Variants in RHPN1 observed in about 807,000 individuals in gnomAD.
RHPN1 encodes rhophilin-1.
Under a neutral mutation model 74.7 loss-of-function variants are expected in RHPN1, and 77 were observed. The observed-to-expected ratio is 1.03, with a 90% CI of 0.86 to 1.25. The LOEUF (loss-of-function observed/expected upper bound fraction) is 1.25. Ranked by LOEUF, RHPN1 falls within the 50% of genes most tolerant of loss-of-function variation. The probability of loss-of-function intolerance (pLI) is 0.00; values close to 1 mark genes in which losing one functional copy is unlikely to be tolerated. For missense variants in RHPN1, 987 were observed against 932.2 expected (o/e 1.06, Z -0.77); for synonymous variants, 444 against 414.5 (o/e 1.07, Z -0.87).
At chr8:143,378,227 G>C in intron 4 of RHPN1, 42 bp from the exon 5 acceptor site, 1 of 1,509,112 alleles carries the variant, frequency 6.6e-7, no homozygotes, top group Non-Finnish European at 9.0e-7. Context: ...AAGGAGGCCA[G>C]GCACAGGGGT....
rs182667317 is a variant in RHPN1 at position 143,377,672 on chromosome 8, C to T, written c.381+217C>T. On this transcript the variant is annotated intron_variant, in intron 4 of 14. Coordinates refer to ENST00000289013, the MANE Select transcript of RHPN1 (RefSeq NM_052924.3). ...CCCCGCTGGTGCCTGCGCCCCAGGC[C>T]GGGGCTGATCCCATAGAGTGGGTGT... Among the ~76,000 whole-genome samples, 13 of 152,260 alleles carry T rather than the reference C, an allele frequency of 8.5e-5. No individual in the cohort carries two copies. In the East Asian group the frequency reaches 2.5e-3, roughly 29 times the overall value.
In RHPN1 at chr8:143,383,156, A is replaced by C; in HGVS notation, c.*505A>C. ...GTCCCAGACATGGCCTTCCCCCAAA[A>C]TACTTCCTGCTGTCCTGTCTGTGCA... On this transcript the variant is annotated 3_prime_UTR_variant, in exon 15 of 15. Coordinates refer to ENST00000289013, the MANE Select transcript of RHPN1 (RefSeq NM_052924.3). 5.5e-6 allele frequency: 1 copy of C among 181,358 alleles called. No individual in the cohort carries two copies. Among genetic ancestry groups the C allele is most frequent in the East Asian group, 1.7e-4 (1 of 6,056 alleles). The allele number at this position is 181,358 out of a possible 1,614,324, so 11.2% of individuals were successfully genotyped here.
chr8:143,371,613 G>C (rs1387505853), intron 1 of RHPN1, among the ~76,000 whole-genome samples: 1 of 152,202 alleles, frequency 6.6e-6, no homozygotes, highest in Non-Finnish European at 1.5e-5. Flanking sequence ...TTCCTCCTGG[G>C]CAGAGGAGCC....
intron 1 of RHPN1, among the ~76,000 whole-genome samples, chr8:143,369,831 GGACGTCA>G (rs1817708006): frequency 6.6e-6 from 1 of 152,362 alleles, no homozygotes; most frequent in Non-Finnish European, 1.5e-5. Context: ...CTCCCCTCTG[GGACGTCA>G]GACTGTGTTG....
chr8:143,380,106 CAG>C lies in RHPN1; in HGVS notation c.1148_1149del (p.Gln383ProfsTer6). Reference protein sequence around the residue: ...ELPTHEQVFLQPPTSSKPRGP... With the variant: ...ELPTHEQVFLXPPTSSKPRGP... ...CCCCACGCACGAGCAGGTCTTCCTG[CAG>C]CCCCCCACCTCCTCTAAGCCCCGAG... is the stretch of plus-strand genomic sequence containing the variant. On this transcript the variant is annotated frameshift_variant, in exon 10 of 15. Transcript: ENST00000289013. LOFTEE classifies it high-confidence loss of function. 6.4e-7 allele frequency: 1 copy of C among 1,552,486 alleles called. No homozygotes were observed. The highest frequency in any genetic ancestry group is 1.4e-5 in the African/African-American group (1 of 73,372).
In RHPN1 at chr8:143,376,707, GTGTGTGTGCA is replaced by G. The variant is rs1252342418; in HGVS notation, c.305+65_305+74del. ...CGTGTATGTGTGTGCACGTGTGCGT[GTGTGTGTGCA>G]TGTGTGTGCACGCATGTGTGTCTCT... On this transcript the variant is annotated intron_variant, in intron 3 of 14. Coordinates refer to ENST00000289013, the MANE Select transcript of RHPN1 (RefSeq NM_052924.3). 34 of 1,529,374 alleles carry G rather than the reference GTGTGTGTGCA, an allele frequency of 2.2e-5. No homozygotes were observed. In the East Asian group the frequency reaches 7.7e-4, roughly 34 times the overall value. The allele number at this position is 1,529,374 out of a possible 1,614,324, so 94.7% of individuals were successfully genotyped here.
chr8:143,369,974 A>T (rs13268561), intron 1 of RHPN1, among the ~76,000 whole-genome samples: 17,975 of 152,146 alleles, frequency 0.12, 1,550 homozygotes, highest in East Asian at 0.3. Flanking sequence ...GCCCTCAAGG[A>T]CGCCCTTCTT....
At chr8:143,380,265 C>T in intron 10 of RHPN1, 90 bp downstream of exon 10, 1 of 916,474 alleles carries the variant, frequency 1.1e-6, no homozygotes, top group Non-Finnish European at 1.6e-6. Flanking sequence ...TGTTTGCCAC[C>T]TGCTGTCCCC....
intron 3 of RHPN1, among the ~76,000 whole-genome samples, chr8:143,376,921 T>C (rs1818290521): frequency 6.8e-6 from 1 of 147,818 alleles, no homozygotes; most frequent in South Asian, 2.1e-4. Context: ...TCTGTGTGTC[T>C]GCATGTGTCT....
Position 143,379,472 on chromosome 8 carries a change from C to T in RHPN1, c.909C>T (p.Cys303=), listed in dbSNP as rs376639002. 3.2e-6 allele frequency: 5 copies of T among 1,567,000 alleles called. No homozygotes were observed. The highest frequency in any genetic ancestry group is 3.5e-6 in the Non-Finnish European group (4 of 1,156,406). The change falls in exon 8 of 15, where the codon TGC becomes TGT. Residue 303 remains cysteine (C), a synonymous_variant. Coordinates refer to ENST00000289013, the MANE Select transcript of RHPN1 (RefSeq NM_052924.3). ...SPPASMAPQD[C]LAQLRLAQEA... ...CTGCCTCCATGGCCCCCCAAGACTG[C>T]CTGGCCCAGCTGCGCCTGGCGCAGG...
intron 3 of RHPN1, among the ~76,000 whole-genome samples, chr8:143,377,026 G>A (rs28436037): frequency 1.5e-3 from 217 of 148,160 alleles, no homozygotes; most frequent in African/African-American, 5.0e-3. Context: ...CTATGTGTGC[G>A]TGTATGCACG....
chr8:143,379,389 C>T lies in RHPN1; in HGVS notation c.826C>T (p.Leu276=), dbSNP rs919050052. Residue 276 remains leucine, a synonymous_variant, in exon 8 of 15, where the codon CTG becomes TTG. Transcript: ENST00000289013. ...CATGAGCGCTGCGTCCCTCTGCGCA[C>T]TGGAGCAGCTCATGATGGCCCAGGC... ...PDMSAASLCA[L]EQLMMAQAQE... The T allele has an allele frequency of 2.5e-6, 4 of 1,597,518 alleles. No individual in the cohort carries two copies. Among genetic ancestry groups the T allele is most frequent in the African/African-American group, 2.7e-5 (2 of 74,486 alleles).
In RHPN1 at chr8:143,383,554, G is replaced by A. The variant is rs78142776; in HGVS notation, c.*903G>A. 2.0e-5 allele frequency: 3 copies of A among 152,556 alleles called. No individual in the cohort carries two copies. The highest frequency in any genetic ancestry group is 3.9e-4 in the East Asian group (2 of 5,192). The allele number at this position is 152,556 out of a possible 1,614,324, so 9.5% of individuals were successfully genotyped here. A position where few individuals can be genotyped will look rare whatever the true frequency, so the allele number is the denominator to read the frequency against. On this transcript the variant is annotated 3_prime_UTR_variant, in exon 15 of 15. Transcript: ENST00000289013. ...TGGACAATGGCCCCCAAAGGCCGTC[G>A]GCAAGAACACCACCTCCAGGACCCC...
chr8:143,381,881 G>A lies in RHPN1; in HGVS notation c.1710G>A (p.Glu570=). Residue 570 remains glutamate (E), a synonymous_variant, in exon 14 of 15, where the codon GAG becomes GAA. Transcript: ENST00000289013. ...GQPCRWWRHA[E]VVTELKAAGE... ...CATGCAGGTGGTGGAGACACGCGGA[G>A]GTGGTGACGGAGCTGAAGGCTGCGG... The A allele has an allele frequency of 1.9e-6, 3 of 1,613,026 alleles. No homozygotes were observed. In the South Asian group the frequency reaches 3.3e-5, roughly 18 times the overall value.
chr8:143,379,646 G>C, intron 8 of RHPN1, 138 bp downstream of exon 8: 1 of 1,444,594 alleles, frequency 6.9e-7, no homozygotes, highest in Non-Finnish European at 9.1e-7. Flanking sequence ...GCTCCCTGGG[G>C]GGGCTGGTCA....
In RHPN1 at chr8:143,378,945, G is replaced by T. The variant is rs775175369; in HGVS notation, c.618G>T (p.Gln206His). 1.3e-6 allele frequency: 2 copies of T among 1,578,850 alleles called. No homozygotes were observed. The highest frequency in any genetic ancestry group is 1.7e-6 in the Non-Finnish European group (2 of 1,163,292). The change falls in exon 7 of 15, where the codon CAG (glutamine) becomes CAT (histidine). Residue 206 changes from glutamine to histidine, a missense_variant. Coordinates refer to ENST00000289013, the MANE Select transcript of RHPN1 (RefSeq NM_052924.3). Reference protein sequence around the residue: ...YDSLTGVPAQQRALAFEKGSV... With the variant: ...YDSLTGVPAQHRALAFEKGSV... ...CGCTTACTGGGGTCCCGGCCCAGCA[G>T]CGTGCCCTGGCCTTCGAGAAGGGCA... is the stretch of plus-strand genomic sequence containing the variant.
chr8:143,380,333 G>T (rs530569206), intron 10 of RHPN1, 158 bp downstream of exon 10: 1 of 688,186 alleles, frequency 1.5e-6, no homozygotes, highest in Admixed American at 3.0e-5. Context: ...GATGGGTGAC[G>T]GCCCAGCGCA....
intron 2 of RHPN1, among the ~76,000 whole-genome samples, chr8:143,376,314 C>T (rs1818212242): frequency 2.0e-5 from 3 of 152,174 alleles, no homozygotes; most frequent in African/African-American, 7.2e-5. Flanking sequence ...GTGCTGGGGT[C>T]GGGGTGATGA....
Position 143,378,318 on chromosome 8 carries a change from A to G in RHPN1, c.431A>G (p.Glu144Gly), listed in dbSNP as rs1372051387. 6.4e-7 allele frequency: 1 copy of G among 1,565,782 alleles called. No individual in the cohort carries two copies. Among genetic ancestry groups the G allele is most frequent in the Non-Finnish European group, 8.7e-7 (1 of 1,155,936 alleles). The change falls in exon 5 of 15, where the codon GAA becomes GGA. Residue 144 changes from glutamate (E) to glycine (G), a missense_variant. By Grantham distance (98) the Glu-to-Gly change is moderately conservative. Coordinates refer to ENST00000289013, the MANE Select transcript of RHPN1 (RefSeq NM_052924.3). ...FGEDGASYEAEIRELEALRQA... is the reference protein window; with the variant it reads ...FGEDGASYEAGIRELEALRQA... ...GAGGACGGCGCCTCCTACGAGGCAG[A>G]AATCAGGGAGCTGGAGGCCCTGCGG...
Sources: allele counts gnomAD v4.1 joint callset (sites outside exome capture counted in the v4.1 genomes callset), GRCh38; gene constraint gnomAD v4.1.1; transcripts MANE v1.5; gene names NCBI Gene and HGNC (gene_info 2026-07-23, HGNC 2026-07-21).